The following TOX variants were observed in gnomAD, a reference collection of about 807,000 sequenced individuals.
TOX encodes thymocyte selection associated high mobility group box.
A neutral mutation model predicts 53.7 loss-of-function variants in TOX; 11 were observed. The observed-to-expected ratio is 0.20, with a 90% confidence interval of 0.13 to 0.34. The LOEUF is 0.34. Ranked by LOEUF, TOX falls within the 10% of genes least tolerant of loss-of-function variation. TOX has a pLI of 1.00. For missense variants in TOX, 570 were observed against 664.6 expected (o/e 0.86, Z 1.56); for synonymous variants, 225 against 245.3 (o/e 0.92, Z 0.77).
At chr8:59,085,287 A>G (rs1804486416) in intron 1 of TOX, among the ~76,000 whole-genome samples, 1 of 152,250 alleles carries the variant, frequency 6.6e-6, no homozygotes, top group Non-Finnish European at 1.5e-5. Flanking sequence ...CTTCTAAATT[A>G]GTTCATCTAC....
At chr8:59,017,019 T>A (rs979616501) in intron 1 of TOX, among the ~76,000 whole-genome samples, 1 of 152,230 alleles carries the variant, frequency 6.6e-6, no homozygotes, top group African/African-American at 2.4e-5. Flanking sequence ...TCCTTCACTG[T>A]TTATAGCCAT....
intron 7 of TOX, among the ~76,000 whole-genome samples, chr8:58,810,857 A>T (rs544953051): frequency 2.1e-4 from 32 of 152,194 alleles, no homozygotes; most frequent in Non-Finnish European, 4.4e-5. Context: ...AAGACCACAG[A>T]AACCGCCATT....
chr8:59,015,094 C>T (rs2129418980), intron 1 of TOX, among the ~76,000 whole-genome samples: 1 of 152,308 alleles, frequency 6.6e-6, no homozygotes, highest in East Asian at 1.9e-4. Context: ...GAAGGAAATT[C>T]AATTTAAATC....
intron 1 of TOX, among the ~76,000 whole-genome samples, chr8:59,071,145 A>C (rs566430084): frequency 6.6e-5 from 10 of 152,238 alleles, no homozygotes; most frequent in Non-Finnish European, 1.3e-4. Context: ...TATCTATTAA[A>C]GTTAACGCAG....
At chr8:58,839,575 TA>T (rs1810608965) in intron 4 of TOX, among the ~76,000 whole-genome samples, 1 of 152,222 alleles carries the variant, frequency 6.6e-6, no homozygotes, top group Non-Finnish European at 1.5e-5. Flanking sequence ...ACCTCTAAAA[TA>T]AAGCATTTTG....
intron 3 of TOX, among the ~76,000 whole-genome samples, chr8:58,903,376 C>A (rs180672943): frequency 6.6e-6 from 1 of 152,130 alleles, no homozygotes; most frequent in Admixed American, 6.5e-5. Flanking sequence ...CAGAAGGAGG[C>A]GGGTTAGTCT....
At chr8:58,891,305 G>A (rs548080071) in intron 3 of TOX, among the ~76,000 whole-genome samples, 1 of 152,142 alleles carries the variant, frequency 6.6e-6, no homozygotes, top group African/African-American at 2.4e-5. Flanking sequence ...ATTTAGACAT[G>A]CTAATCTAAA....
chr8:58,992,151 A>C (rs1813465667), intron 1 of TOX: 1 of 152,338 alleles, frequency 6.6e-6, no homozygotes, highest in South Asian at 2.1e-4. Flanking sequence ...AAATGAAAGC[A>C]AGACGAAGGG....
chr8:58,911,993 T>A (rs553565322), intron 3 of TOX, among the ~76,000 whole-genome samples: 1 of 152,202 alleles, frequency 6.6e-6, no homozygotes, highest in East Asian at 1.9e-4. Context: ...TGAGCCACCG[T>A]GCCCGGCCCA....
chr8:59,051,655 A>T (rs1803790877), intron 1 of TOX, among the ~76,000 whole-genome samples: 1 of 152,128 alleles, frequency 6.6e-6, no homozygotes, highest in Admixed American at 6.5e-5. Flanking sequence ...CTTAGCAAAC[A>T]AATAAAGAAA....
chr8:59,084,624 TC>T (rs1804475817), intron 1 of TOX, among the ~76,000 whole-genome samples: 1 of 152,210 alleles, frequency 6.6e-6, no homozygotes, highest in African/African-American at 2.4e-5. Flanking sequence ...GTTTAAGACT[TC>T]AATAGATTGG....
rs1350133 is a variant in TOX at position 59,108,861 on chromosome 8, A to C, written c.102+10025T>G. ...GAACTACACCAACACTATGCCTATA[A>C]ATTGTTGTCTACCTAATTTTAATGC... On this transcript the variant is annotated intron_variant, in intron 1 of 8. Transcript: ENST00000361421. 5.1e-3 allele frequency among the ~76,000 whole-genome samples: 780 copies of C among 152,302 alleles called. 5 individuals carry two copies. The highest frequency in any genetic ancestry group is 7.9e-3 in the Non-Finnish European group (536 of 68,014).
intron 1 of TOX, among the ~76,000 whole-genome samples, chr8:59,019,507 C>T (rs1208091134): frequency 2.6e-5 from 4 of 152,180 alleles, no homozygotes; most frequent in Admixed American, 6.5e-5. Flanking sequence ...ACTTTTTACA[C>T]AGCAGACACA....
chr8:58,988,557 G>T (rs1195036822), intron 1 of TOX, among the ~76,000 whole-genome samples: 2 of 152,186 alleles, frequency 1.3e-5, no homozygotes, highest in African/African-American at 4.8e-5. Context: ...AGTCACATTT[G>T]TTAATCAAGA....
chr8:58,882,204 CTA>C, intron 3 of TOX, among the ~76,000 whole-genome samples: 1 of 152,284 alleles, frequency 6.6e-6, no homozygotes, highest in African/African-American at 2.4e-5. Flanking sequence ...TTGCCTGACA[CTA>C]TTAGGATGGC....
intron 3 of TOX, among the ~76,000 whole-genome samples, chr8:58,915,836 C>A (rs1413843672): frequency 7.1e-6 from 1 of 141,654 alleles, no homozygotes; most frequent in Non-Finnish European, 1.5e-5. Flanking sequence ...ACTAGAATAA[C>A]CAATACAGAG....
rs1809971787 is a variant in TOX at position 58,806,207 on chromosome 8, G to T, written c.*1540C>A. 6.6e-6 allele frequency: 1 copy of T among 152,222 alleles called. No individual in the cohort carries two copies. Among genetic ancestry groups the T allele is most frequent in the Non-Finnish European group, 1.5e-5 (1 of 68,042 alleles). The allele number at this position is 152,222 out of a possible 1,614,324, so 9.4% of individuals were successfully genotyped here. Reference sequence around the variant, plus strand: ...GGAATTCTGGAATGAGTAGTAGCTTGTAGAGGCACAAAAGACAGCAAGAAT... The same window carrying T: ...GGAATTCTGGAATGAGTAGTAGCTTTTAGAGGCACAAAAGACAGCAAGAAT... On this transcript the variant is annotated 3_prime_UTR_variant, in exon 9 of 9. Coordinates refer to ENST00000361421, the MANE Select transcript of TOX (RefSeq NM_014729.3).
chr8:58,995,097 AT>A (rs1813537408), intron 1 of TOX, among the ~76,000 whole-genome samples: 1 of 152,180 alleles, frequency 6.6e-6, no homozygotes, highest in African/African-American at 2.4e-5. Context: ...CTTATTTAAA[AT>A]TTTTACTTTT....
intron 3 of TOX, among the ~76,000 whole-genome samples, chr8:58,904,853 G>A (rs1160863948): frequency 1.3e-5 from 2 of 152,210 alleles, no homozygotes; most frequent in African/African-American, 2.4e-5. Flanking sequence ...GGGAGAGCAC[G>A]CTGCAGAGGG....
Sources: gnomAD v4.1 joint callset for allele counts (sites outside exome capture counted in the v4.1 genomes callset) on GRCh38, gnomAD v4.1.1 for gene constraint, MANE v1.5 for transcripts, NCBI Gene and HGNC (gene_info 2026-07-23, HGNC 2026-07-21) for gene names.